MED12L: variants seen among roughly 807,000 people sequenced by gnomAD.
MED12L encodes mediator complex subunit 12L, also known as mediator of RNA polymerase II transcription subunit 12-like protein.
In MED12L, 60 loss-of-function variants were observed where a neutral mutation model predicts 281.3. The ratio of observed to expected loss-of-function variants is 0.21; its 90% CI spans 0.17 to 0.26. MED12L has a LOEUF of 0.26. Among genes scored for constraint, MED12L ranks in the 10% least tolerant of loss-of-function variants. MED12L has a pLI of 1.00. For missense variants in MED12L, 2,146 were observed against 2,680.9 expected (o/e 0.80, Z 4.41); for synonymous variants, 974 against 987.2 (o/e 0.99, Z 0.25).
chr3:151,160,897 G>C lies in MED12L; in HGVS notation c.1107+796G>C, dbSNP rs141366281. Among the ~76,000 whole-genome samples the C allele has an allele frequency of 2.9e-3, 438 of 152,348 alleles. 2 individuals are homozygous for C. Among genetic ancestry groups the C allele is most frequent in the Non-Finnish European group, 4.2e-3 (284 of 68,034 alleles). On this transcript the variant is annotated intron_variant, in intron 8 of 44. Transcript: ENST00000687756. The stretch of plus-strand genomic sequence containing the variant: ...AGAAATTTTTTAGTTCTTCGAATGA[G>C]TTGAGAAAGATCAAGTAAAAAGAAG...
At chr3:151,185,567 G>A in intron 12 of MED12L, 106 bp downstream of exon 12, 1 of 1,197,830 alleles carries the variant, frequency 8.3e-7, no homozygotes, top group Non-Finnish European at 1.1e-6. Context: ...TTGCTCTTGA[G>A]GAAAAAAGGG....
At chr3:151,308,660 A>G (rs73006528) in intron 16 of MED12L, among the ~76,000 whole-genome samples, 4 of 152,142 alleles carry the variant, frequency 2.6e-5, no homozygotes, top group African/African-American at 9.7e-5. Context: ...TTGGAATAGC[A>G]TCCTGTGGCT....
chr3:151,307,585 G>A (rs1026493248), intron 16 of MED12L, among the ~76,000 whole-genome samples: 4 of 128,738 alleles, frequency 3.1e-5, no homozygotes, highest in Non-Finnish European at 6.9e-5. Context: ...GTGTGTGTGT[G>A]TTTAGAGCAG....
At chr3:151,358,613 C>G (rs1754226097) in intron 20 of MED12L, among the ~76,000 whole-genome samples, 3 of 151,956 alleles carry the variant, frequency 2.0e-5, no homozygotes, top group African/African-American at 7.2e-5. Flanking sequence ...AAATTGATTT[C>G]AGTATCATTT....
chr3:151,290,839 G>A (rs1352590158), intron 16 of MED12L, among the ~76,000 whole-genome samples: 2 of 152,162 alleles, frequency 1.3e-5, no homozygotes, highest in Non-Finnish European at 2.9e-5. Flanking sequence ...GACAAAAATT[G>A]AATTTTCTTC....
At chr3:151,421,115 C>T (rs1000693491) in intron 43 of MED12L, among the ~76,000 whole-genome samples, 10 of 152,112 alleles carry the variant, frequency 6.6e-5, no homozygotes, top group Admixed American at 2.0e-4. Flanking sequence ...TGAGCCTGTG[C>T]GTAACCTCCA....
chr3:151,355,461 C>G (rs1577418946), intron 18 of MED12L, among the ~76,000 whole-genome samples: 1 of 151,976 alleles, frequency 6.6e-6, no homozygotes. Flanking sequence ...TGATAATAAT[C>G]GGTGACATAT....
At chr3:151,256,682 A>T (rs1737871861) in intron 16 of MED12L, among the ~76,000 whole-genome samples, 1 of 152,212 alleles carries the variant, frequency 6.6e-6, no homozygotes, top group Admixed American at 6.5e-5. Context: ...GTATTTTAAG[A>T]TCTAAGAGAT....
chr3:151,271,446 C>T (rs1208866582), intron 16 of MED12L, among the ~76,000 whole-genome samples: 2 of 152,174 alleles, frequency 1.3e-5, no homozygotes, highest in Non-Finnish European at 2.9e-5. Flanking sequence ...TAACGGGTCA[C>T]TTCTTATCAA....
chr3:151,186,772 G>C (rs367896001), intron 12 of MED12L, among the ~76,000 whole-genome samples: 1 of 152,094 alleles, frequency 6.6e-6, no homozygotes, highest in Non-Finnish European at 1.5e-5. Flanking sequence ...TACTTTCCTT[G>C]TTGCAGTGCA....
At chr3:151,281,699 A>G (rs1303163228) in intron 16 of MED12L, among the ~76,000 whole-genome samples, 2 of 152,104 alleles carry the variant, frequency 1.3e-5, no homozygotes, top group Non-Finnish European at 2.9e-5. Flanking sequence ...TTTCCTCCTG[A>G]CTAATCTTTT....
At chr3:151,153,569 T>TC (rs1718863928) in intron 5 of MED12L, among the ~76,000 whole-genome samples, 1 of 139,872 alleles carries the variant, frequency 7.1e-6, no homozygotes, top group African/African-American at 2.7e-5. Context: ...TCTTTCTTTT[T>TC]TTTTTTTTTT....
chr3:151,384,755 A>T (rs1046655549), intron 35 of MED12L: 10 of 339,534 alleles, frequency 2.9e-5, no homozygotes, highest in Non-Finnish European at 5.3e-6. Context: ...TCTGATTGTG[A>T]TCACTACCCT....
chr3:151,411,545 G>A (rs1716938209), intron 41 of MED12L, 38 bp downstream of exon 41: 4 of 1,569,918 alleles, frequency 2.5e-6, no homozygotes, highest in Non-Finnish European at 3.5e-6. Context: ...ATAATGAACA[G>A]TCACATTCTC....
intron 18 of MED12L, 58 bp from the exon 19 acceptor site, chr3:151,355,838 T>G (rs762117617): frequency 1.4e-6 from 2 of 1,444,548 alleles, no homozygotes; most frequent in Non-Finnish European, 9.4e-7. Flanking sequence ...ATGATTTATC[T>G]TAGTAAAAGA....
intron 16 of MED12L, among the ~76,000 whole-genome samples, chr3:151,252,767 A>G (rs1737088407): frequency 6.6e-6 from 1 of 152,130 alleles, no homozygotes; most frequent in Non-Finnish European, 1.5e-5. Context: ...TATGTAATCT[A>G]CTAACTTATC....
At chr3:151,113,139 C>A (rs1266465529) in intron 2 of MED12L, among the ~76,000 whole-genome samples, 2 of 152,024 alleles carry the variant, frequency 1.3e-5, no homozygotes, top group Non-Finnish European at 2.9e-5. Flanking sequence ...GTGGACAGTT[C>A]CAGTTTTAAA....
chr3:151,288,071 A>G (rs553807989), intron 16 of MED12L, among the ~76,000 whole-genome samples: 5 of 152,310 alleles, frequency 3.3e-5, no homozygotes, highest in African/African-American at 7.2e-5. Context: ...ATATTCTTCT[A>G]TCTTTCCACA....
In MED12L at chr3:151,413,232, C is replaced by G; in HGVS notation, c.6234C>G (p.Pro2078=). 6.2e-7 allele frequency: 1 copy of G among 1,614,204 alleles called. No individual in the cohort carries two copies. The highest frequency in any genetic ancestry group is 8.5e-7 in the Non-Finnish European group (1 of 1,180,042). ...TSAHPNLPSV[P]LPQDPMRPRQ... is the part of the protein sequence containing the mutation. ...CACATCCAAACCTTCCCTCCGTGCCCCTGCCTCAGGATCCCATGAGACCCA... is the reference window on the plus strand; with the variant it reads ...CACATCCAAACCTTCCCTCCGTGCCGCTGCCTCAGGATCCCATGAGACCCA... Residue 2078 remains proline, a synonymous_variant, in exon 42 of 45, where the codon CCC becomes CCG. Transcript: ENST00000687756.
Sources: gnomAD v4.1 joint callset for allele counts (sites outside exome capture counted in the v4.1 genomes callset) on GRCh38, gnomAD v4.1.1 for gene constraint, MANE v1.5 for transcripts, NCBI Gene and HGNC (gene_info 2026-07-23, HGNC 2026-07-21) for gene names.